SLC4A10: variants seen among roughly 807,000 people sequenced by gnomAD.
The protein encoded by SLC4A10 is solute carrier family 4 member 10, also known as sodium-driven chloride bicarbonate exchanger.
SLC4A10 carries 42 observed loss-of-function variants against 137.7 expected under a neutral mutation model. The observed-to-expected ratio is 0.30, with a 90% CI of 0.24 to 0.39. SLC4A10 has a LOEUF of 0.39. Among genes scored for constraint, SLC4A10 ranks in the 10% least tolerant of loss-of-function variants. The pLI is 1.00. For missense variants in SLC4A10, 925 were observed against 1,355.0 expected, an observed-to-expected ratio of 0.68 and a Z score of 4.98; for synonymous variants, 474 against 464.1, an observed-to-expected ratio of 1.02 and a Z score of -0.27.
chr2:161,741,817 T>C (rs969474751), intron 1 of SLC4A10, among the ~76,000 whole-genome samples: 2 of 152,218 alleles, frequency 1.3e-5, no homozygotes, highest in African/African-American at 4.8e-5. Context: ...TTCTTTGTAT[T>C]ACGAACATTC....
intron 8 of SLC4A10, among the ~76,000 whole-genome samples, chr2:161,877,500 A>G (rs2125948304): frequency 6.6e-6 from 1 of 152,164 alleles, no homozygotes; most frequent in Non-Finnish European, 1.5e-5. Context: ...CATTACAATA[A>G]AAATGTAAAG....
chr2:161,900,899 A>C lies in SLC4A10; in HGVS notation c.1342-12A>C, dbSNP rs1318675326. The C allele has an allele frequency of 1.3e-5, 19 of 1,509,270 alleles. No homozygotes were observed. The highest frequency in any genetic ancestry group is 1.7e-5 in the Non-Finnish European group (19 of 1,126,612). 93.5% of individuals were successfully genotyped at this position (1,509,270 alleles called of 1,614,324 possible). A position where few individuals can be genotyped will look rare whatever the true frequency, so the allele number is the denominator to read the frequency against. On this transcript the variant is annotated splice_polypyrimidine_tract_variant and intron_variant, in intron 11 of 26. Coordinates refer to ENST00000446997, the MANE Select transcript of SLC4A10 (RefSeq NM_001178015.2). ...AACAAAACAAAACACATGAACAAAAAACTCTCCACAGGAGAAGAGGAAGAT... is the reference window on the plus strand; with the variant it reads ...AACAAAACAAAACACATGAACAAAACACTCTCCACAGGAGAAGAGGAAGAT...
intron 1 of SLC4A10, among the ~76,000 whole-genome samples, chr2:161,719,835 T>G (rs1034877145): frequency 2.5e-4 from 38 of 151,914 alleles, no homozygotes; most frequent in African/African-American, 3.9e-4. Flanking sequence ...TTTCTCCCAT[T>G]TTGTAGGTTG....
At chr2:161,979,562 T>C (rs1575987498) in intron 26 of SLC4A10, among the ~76,000 whole-genome samples, 1 of 152,356 alleles carries the variant, frequency 6.6e-6, no homozygotes, top group South Asian at 2.1e-4. Flanking sequence ...ATCTCTTTTA[T>C]CCTCATTACA....
intron 3 of SLC4A10, among the ~76,000 whole-genome samples, chr2:161,827,709 GCA>G (rs1467405492): frequency 1.3e-5 from 2 of 150,568 alleles, no homozygotes; most frequent in Non-Finnish European, 3.0e-5. Flanking sequence ...GGGACTACAG[GCA>G]CGCCCGCACC....
intron 15 of SLC4A10, among the ~76,000 whole-genome samples, chr2:161,916,742 T>A (rs1004632882): frequency 6.6e-6 from 1 of 152,220 alleles, no homozygotes; most frequent in African/African-American, 2.4e-5. Flanking sequence ...ACTGTCTTTT[T>A]AAAAATATTT....
At chr2:161,878,372 A>T (rs537107079) in intron 8 of SLC4A10, among the ~76,000 whole-genome samples, 2 of 152,222 alleles carry the variant, frequency 1.3e-5, no homozygotes, top group East Asian at 3.9e-4. Context: ...ATAAAAATTG[A>T]TATTTATTGT....
intron 5 of SLC4A10, among the ~76,000 whole-genome samples, chr2:161,862,570 A>G (rs1177443905): frequency 2.6e-5 from 4 of 152,196 alleles, no homozygotes; most frequent in Non-Finnish European, 5.9e-5. Context: ...GATAATAAAT[A>G]AATAAAGAAC....
chr2:161,705,544 T>A (rs2043565013), intron 1 of SLC4A10, among the ~76,000 whole-genome samples: 1 of 151,706 alleles, frequency 6.6e-6, no homozygotes, highest in African/African-American at 2.4e-5. Context: ...GGTCTGAATG[T>A]TCTTGCATCT....
At chr2:161,746,662 G>A (rs1322186290) in intron 1 of SLC4A10, among the ~76,000 whole-genome samples, 1 of 152,082 alleles carries the variant, frequency 6.6e-6, no homozygotes, top group Non-Finnish European at 1.5e-5. Context: ...GTATCTCCCT[G>A]TTGCCACCAC....
At chr2:161,821,342 A>T (rs1258419385) in intron 3 of SLC4A10, among the ~76,000 whole-genome samples, 1 of 152,184 alleles carries the variant, frequency 6.6e-6, no homozygotes, top group Non-Finnish European at 1.5e-5. Flanking sequence ...ATGTTTTAGT[A>T]TATATAGAAG....
Position 161,900,975 on chromosome 2 carries a change from G to T in SLC4A10, c.1406G>T (p.Gly469Val). The change falls in exon 12 of 27, where the codon GGA becomes GTA. Residue 469 changes from glycine (G) to valine (V), a missense_variant. Transcript: ENST00000446997. ...TAAHGEAEPH[G>V]GHSGPELQRT... ...GCTCATGGGGAAGCAGAGCCCCACG[G>T]AGGACATAGTGGACCTGAACTCCAG... 1 of 1,568,714 alleles carries T rather than the reference G, an allele frequency of 6.4e-7. No homozygotes were observed. Among genetic ancestry groups the T allele is most frequent in the Non-Finnish European group, 8.6e-7 (1 of 1,156,194 alleles).
At chr2:161,888,057 A>T (rs568507058) in intron 10 of SLC4A10, among the ~76,000 whole-genome samples, 30 of 152,260 alleles carry the variant, frequency 2.0e-4, no homozygotes, top group African/African-American at 7.2e-4. Flanking sequence ...TTTATTAAAT[A>T]GGAATCCTTC....
rs1022992713 is a variant in SLC4A10, at chr2:161,789,187, C to T, written c.131-15262C>T. ...CGAGCTGGCCACCTGAGGCTCCCAC[C>T]CCAGAGAGTTCCCAAATTGCCACCA... On this transcript the variant is annotated intron_variant, in intron 2 of 26. Coordinates refer to ENST00000446997, the MANE Select transcript of SLC4A10 (RefSeq NM_001178015.2). Among the ~76,000 whole-genome samples, 3 of 152,186 alleles carry T rather than the reference C, an allele frequency of 2.0e-5. 1 individual carries two copies. Among genetic ancestry groups the T allele is most frequent in the Non-Finnish European group, 4.4e-5 (3 of 68,026 alleles).
At chr2:161,736,198 G>T (rs1476849325) in intron 1 of SLC4A10, among the ~76,000 whole-genome samples, 1 of 151,718 alleles carries the variant, frequency 6.6e-6, no homozygotes, top group Non-Finnish European at 1.5e-5. Context: ...TAATTGATAG[G>T]CAATAATTTG....
intron 3 of SLC4A10, among the ~76,000 whole-genome samples, chr2:161,807,669 A>G (rs930742198): frequency 1.3e-5 from 2 of 152,162 alleles, no homozygotes; most frequent in Admixed American, 6.6e-5. Flanking sequence ...CTAGTAGTCT[A>G]TTTAGTAATA....
intron 3 of SLC4A10, among the ~76,000 whole-genome samples, chr2:161,836,536 GAAAGAAAGAAAGAAAGAAAGAAAGAA>G (rs2058792278): frequency 2.3e-4 from 2 of 8,728 alleles, no homozygotes; most frequent in Non-Finnish European, 3.8e-4. Flanking sequence ...GAGAGAGAAA[GAAAGAAAGAAAGAAAGAAAGAAAGAA>G]AGAAAGAAAG....
chr2:161,726,576 T>G lies in SLC4A10; in HGVS notation c.49-44397T>G, dbSNP rs146863579. 4.6e-5 allele frequency among the ~76,000 whole-genome samples: 7 copies of G among 152,126 alleles called. No individual in the cohort carries two copies. The East Asian group carries it at 1.4e-3, about 30-fold the overall frequency. ...GGCAAAAGCTGAAATCCAATCCAAT[T>G]TACAGTGACACAACCTGAAAAGGCA... On this transcript the variant is annotated intron_variant, in intron 1 of 26. Coordinates refer to ENST00000446997, the MANE Select transcript of SLC4A10 (RefSeq NM_001178015.2).
At chr2:161,769,915 C>G (rs984674742) in intron 1 of SLC4A10, among the ~76,000 whole-genome samples, 1 of 150,950 alleles carries the variant, frequency 6.6e-6, no homozygotes, top group Non-Finnish European at 1.5e-5. Flanking sequence ...AAAGGCAGGT[C>G]CCCAATGTCT....
Sources: allele counts gnomAD v4.1 joint callset (sites outside exome capture counted in the v4.1 genomes callset), GRCh38; gene constraint gnomAD v4.1.1; transcripts MANE v1.5; gene names NCBI Gene and HGNC (gene_info 2026-07-23, HGNC 2026-07-21).